The following TECRL variants were observed in gnomAD, a reference collection of about 807,000 sequenced individuals.
TECRL encodes the protein trans-2,3-enoyl-CoA reductase like.
Under a neutral mutation model 52.8 loss-of-function variants are expected in TECRL, and 63 were observed. The ratio of observed to expected loss-of-function variants is 1.19; its 90% confidence interval spans 0.97 to 1.47. The LOEUF is 1.47. TECRL is among the 40% of genes most tolerant of loss of function. The pLI, the probability that TECRL is intolerant of heterozygous loss-of-function variation, is 0.00. For synonymous variants in TECRL, 164 were observed against 141.9 expected (o/e 1.16, Z -1.10); for missense variants, 482 against 429.6 (o/e 1.12, Z -1.08).
Position 64,319,425 on chromosome 4 carries a change from A to G in TECRL, c.435+3264T>C, listed in dbSNP as rs77252314. 2.8e-3 allele frequency among the ~76,000 whole-genome samples: 430 copies of G among 151,996 alleles called. 22 individuals carry two copies. The East Asian group carries it at 0.067, about 24-fold the overall frequency. On this transcript the variant is annotated intron_variant, in intron 4 of 11. Transcript: ENST00000381210. ...TTCTTATATATGAAAGTAAAAGCATAATCTTTAAAAGAAAACCTTGATAAA... is the reference window on the plus strand; with the variant it reads ...TTCTTATATATGAAAGTAAAAGCATGATCTTTAAAAGAAAACCTTGATAAA...
intron 1 of TECRL, among the ~76,000 whole-genome samples, chr4:64,391,684 T>C (rs10015162): frequency 0.89 from 135,851 of 151,832 alleles, 61,473 homozygotes; most frequent in East Asian, 1. Flanking sequence ...GGTACATTCA[T>C]TGAAGACATT....
intron 1 of TECRL, among the ~76,000 whole-genome samples, chr4:64,389,620 G>A (rs1723412435): frequency 1.3e-5 from 2 of 151,698 alleles, no homozygotes; most frequent in Non-Finnish European, 2.9e-5. Context: ...GGTAATGTTG[G>A]CATCATAGAG....
intron 2 of TECRL, 54 bp downstream of exon 2, chr4:64,375,118 C>T (rs921981960): frequency 2.1e-6 from 2 of 945,182 alleles, no homozygotes; most frequent in Non-Finnish European, 3.0e-6. Flanking sequence ...AAATTTAAAC[C>T]TATTTGAAAA....
At chr4:64,348,897 A>T (rs1720179988) in intron 2 of TECRL, among the ~76,000 whole-genome samples, 1 of 152,054 alleles carries the variant, frequency 6.6e-6, no homozygotes, top group African/African-American at 2.4e-5. Flanking sequence ...CATGGAAGAG[A>T]TCCCTCCTCT....
intron 8 of TECRL, among the ~76,000 whole-genome samples, chr4:64,290,100 A>C (rs192828896): frequency 3.2e-4 from 48 of 152,318 alleles, no homozygotes; most frequent in African/African-American, 1.0e-3. Flanking sequence ...ACTCTTGCTG[A>C]AGACATATTT....
chr4:64,307,291 A>G (rs2109991827), intron 6 of TECRL, among the ~76,000 whole-genome samples: 1 of 152,262 alleles, frequency 6.6e-6, no homozygotes, highest in African/African-American at 2.4e-5. Context: ...AGCTTTGGGT[A>G]TGAAGCTCAA....
At chr4:64,334,844 T>G (rs1384864778) in intron 2 of TECRL, among the ~76,000 whole-genome samples, 1 of 152,154 alleles carries the variant, frequency 6.6e-6, no homozygotes, top group Non-Finnish European at 1.5e-5. Context: ...CCAAACTATT[T>G]ATTTATGCTC....
At chr4:64,297,521 C>T (rs1560478732) in intron 8 of TECRL, among the ~76,000 whole-genome samples, 1 of 150,946 alleles carries the variant, frequency 6.6e-6, no homozygotes, top group East Asian at 1.9e-4. Flanking sequence ...TTAATTTCTC[C>T]TTTGTTTCTT....
At chr4:64,380,275 A>C (rs888137576) in intron 1 of TECRL, among the ~76,000 whole-genome samples, 1 of 151,948 alleles carries the variant, frequency 6.6e-6, no homozygotes, top group Non-Finnish European at 1.5e-5. Flanking sequence ...GCTTCTGGGA[A>C]TTGAGGTATT....
chr4:64,355,072 T>C (rs1393474740), intron 2 of TECRL, among the ~76,000 whole-genome samples: 1 of 152,188 alleles, frequency 6.6e-6, no homozygotes, highest in Non-Finnish European at 1.5e-5. Flanking sequence ...AATTATAATT[T>C]CACTTATTTT....
chr4:64,388,356 T>G (rs2109737175), intron 1 of TECRL, among the ~76,000 whole-genome samples: 1 of 151,984 alleles, frequency 6.6e-6, no homozygotes, highest in South Asian at 2.1e-4. Context: ...TATTTGTGGG[T>G]TTTCAATTCT....
chr4:64,360,122 G>T (rs1721072309), intron 2 of TECRL, among the ~76,000 whole-genome samples: 1 of 152,132 alleles, frequency 6.6e-6, no homozygotes, highest in African/African-American at 2.4e-5. Context: ...TACAGTTTTT[G>T]ATTGATAATA....
intron 8 of TECRL, among the ~76,000 whole-genome samples, chr4:64,294,161 A>G (rs1437419325): frequency 1.3e-5 from 2 of 151,464 alleles, no homozygotes; most frequent in Non-Finnish European, 2.9e-5. Context: ...TAATTTTTGT[A>G]TTTTTAGTAG....
At chr4:64,367,511 A>G (rs1560533616) in intron 2 of TECRL, among the ~76,000 whole-genome samples, 1 of 152,096 alleles carries the variant, frequency 6.6e-6, no homozygotes, top group Non-Finnish European at 1.5e-5. Flanking sequence ...ATACAAATAC[A>G]AAAAGTGTCA....
chr4:64,301,725 A>G (rs80286602), intron 7 of TECRL, among the ~76,000 whole-genome samples: 5,866 of 151,336 alleles, frequency 0.039, 373 homozygotes, highest in African/African-American at 0.13. Context: ...AAATGAATGC[A>G]CATTAGTATA....
chr4:64,375,140 G>T, intron 2 of TECRL, 32 bp downstream of exon 2: 2 of 1,079,936 alleles, frequency 1.9e-6, no homozygotes, highest in Non-Finnish European at 2.6e-6. Flanking sequence ...AAAACATTAT[G>T]ATGTAAATTC....
chr4:64,277,284 T>C (rs1722605498), downstream of TECRL, among the ~76,000 whole-genome samples: 1 of 151,918 alleles, frequency 6.6e-6, no homozygotes. Context: ...CCTAGGTTAC[T>C]ATTTGTCAGG....
At chr4:64,373,088 C>T (rs1266671278) in intron 2 of TECRL, among the ~76,000 whole-genome samples, 1 of 151,492 alleles carries the variant, frequency 6.6e-6, no homozygotes, top group African/African-American at 2.4e-5. Flanking sequence ...CTTTTAAATA[C>T]TTTATATAAT....
intron 8 of TECRL, among the ~76,000 whole-genome samples, chr4:64,296,155 C>T (rs1049739187): frequency 2.0e-5 from 3 of 151,834 alleles, no homozygotes; most frequent in Non-Finnish European, 4.4e-5. Context: ...AACTTTGGCA[C>T]CCTTTTTTCT....
Sources: allele counts gnomAD v4.1 joint callset (sites outside exome capture counted in the v4.1 genomes callset), GRCh38; gene constraint gnomAD v4.1.1; transcripts MANE v1.5; gene names NCBI Gene and HGNC (gene_info 2026-07-23, HGNC 2026-07-21).